The following PHF14 variants were observed in gnomAD, a reference collection of about 807,000 sequenced individuals.
PHF14 encodes PHD finger protein 14.
Under a neutral mutation model 117.9 loss-of-function variants are expected in PHF14, and 55 were observed. The ratio of observed to expected loss-of-function variants is 0.47; its 90% CI spans 0.38 to 0.58. The LOEUF (loss-of-function observed/expected upper bound fraction) is 0.58. Among genes scored for constraint, PHF14 ranks in the 20% least tolerant of loss-of-function variants. The probability of loss-of-function intolerance (pLI) is 0.00; values close to 1 mark genes in which losing one functional copy is unlikely to be tolerated. For synonymous variants in PHF14, 409 were observed against 368.6 expected, an observed-to-expected ratio of 1.11 and a Z score of -1.26; for missense variants, 978 against 1,122.2, an observed-to-expected ratio of 0.87 and a Z score of 1.84.
At chr7:11,129,077 T>C (rs1788017032) in intron 17 of PHF14, among the ~76,000 whole-genome samples, 1 of 152,084 alleles carries the variant, frequency 6.6e-6, no homozygotes, top group Non-Finnish European at 1.5e-5. Context: ...ACCTGGATGT[T>C]GCATATTTTT....
Position 11,044,136 on chromosome 7 carries a change from A to G in PHF14, c.2312+1322A>G, listed in dbSNP as rs59434425. On this transcript the variant is annotated intron_variant, in intron 13 of 17. Transcript: ENST00000634607. ...CTTACAGGTGGAAGCTAAACACTGGATAGTCATGGACATAAAGATGGGGCC... is the reference window on the plus strand; with the variant it reads ...CTTACAGGTGGAAGCTAAACACTGGGTAGTCATGGACATAAAGATGGGGCC... Among the ~76,000 whole-genome samples, 599 of 152,210 alleles carry G rather than the reference A, an allele frequency of 3.9e-3. 5 individuals are homozygous for G. The highest frequency in any genetic ancestry group is 0.014 in the African/African-American group (577 of 41,550).
At chr7:11,049,474 C>CAAAA (rs11342926) in intron 13 of PHF14, among the ~76,000 whole-genome samples, 1 of 110,380 alleles carries the variant, frequency 9.1e-6, no homozygotes, top group Non-Finnish European at 1.9e-5. Flanking sequence ...GACTGTCTCT[C>CAAAA]AAAAAAAAAA....
intron 17 of PHF14, among the ~76,000 whole-genome samples, chr7:11,156,323 CT>C (rs1236283734): frequency 2.0e-5 from 3 of 150,202 alleles, no homozygotes; most frequent in African/African-American, 7.6e-5. Context: ...AATTCAATTT[CT>C]TTTTAACCCA....
chr7:11,064,608 C>G (rs1785361385), intron 16 of PHF14, among the ~76,000 whole-genome samples: 1 of 151,974 alleles, frequency 6.6e-6, no homozygotes, highest in South Asian at 2.1e-4. Flanking sequence ...CCACACTTCT[C>G]TATGTAATTC....
At chr7:11,006,742 G>C (rs1326937505) in intron 4 of PHF14, 3 of 686,290 alleles carry the variant, frequency 4.4e-6, no homozygotes, top group Non-Finnish European at 8.1e-6. Context: ...TGGAAGGTGG[G>C]TGACATGCGG....
intron 14 of PHF14, among the ~76,000 whole-genome samples, chr7:11,052,977 T>C (rs2128327117): frequency 1.3e-5 from 2 of 152,276 alleles, no homozygotes; most frequent in South Asian, 4.1e-4. Flanking sequence ...AGTGTAAATT[T>C]CAAACCTTTA....
intron 16 of PHF14, chr7:11,103,606 C>G (rs1247285707): frequency 3.7e-5 from 36 of 982,536 alleles, no homozygotes; most frequent in South Asian, 2.4e-4. Flanking sequence ...TGTAAATTGT[C>G]AACATGTAAT....
chr7:10,984,229 C>A (rs963570860), intron 3 of PHF14, among the ~76,000 whole-genome samples: 2 of 152,086 alleles, frequency 1.3e-5, no homozygotes, highest in Non-Finnish European at 2.9e-5. Context: ...AATTGCTTTG[C>A]TTAAAAATTT....
intron 16 of PHF14, among the ~76,000 whole-genome samples, chr7:11,067,632 G>T (rs76352451): frequency 0.013 from 1,945 of 152,248 alleles, 43 homozygotes; most frequent in East Asian, 0.1. Flanking sequence ...ATTTTATGTT[G>T]CTAAGAAGAA....
chr7:11,136,058 G>A lies in PHF14; in HGVS notation c.2772+24591G>A, dbSNP rs192101829. On this transcript the variant is annotated intron_variant, in intron 17 of 17. Transcript: ENST00000634607. ...TTTGGTATACATAAGTAACATTGTT[G>A]AAAATAGTTTACACTTCTGTCATCT... Among the ~76,000 whole-genome samples the A allele has an allele frequency of 3.5e-3, 531 of 152,194 alleles. 9 individuals are homozygous for A. The highest frequency in any genetic ancestry group is 2.0e-3 in the Admixed American group (30 of 15,286).
At chr7:11,003,387 A>T (rs1250027973) in intron 4 of PHF14, among the ~76,000 whole-genome samples, 2 of 152,204 alleles carry the variant, frequency 1.3e-5, no homozygotes, top group Admixed American at 1.3e-4. Context: ...TTGTTCCACA[A>T]ATATAACCTA....
At chr7:10,990,601 A>G in intron 3 of PHF14, 102 bp from the exon 4 acceptor site, 1 of 655,684 alleles carries the variant, frequency 1.5e-6, no homozygotes, top group Non-Finnish European at 2.5e-6. Flanking sequence ...ATACATTTGG[A>G]AATGCATATA....
At chr7:11,151,439 G>A (rs904107777) in intron 17 of PHF14, among the ~76,000 whole-genome samples, 5 of 152,098 alleles carry the variant, frequency 3.3e-5, no homozygotes, top group Non-Finnish European at 7.4e-5. Flanking sequence ...CACACCTATA[G>A]TTCCAACTAC....
intron 16 of PHF14, chr7:11,103,158 A>G (rs1787146364): frequency 2.0e-6 from 2 of 978,680 alleles, no homozygotes; most frequent in Admixed American, 6.2e-5. Context: ...ATGACATTCT[A>G]TTTTTGACTT....
At chr7:11,075,576 T>G (rs1219029507) in intron 16 of PHF14, among the ~76,000 whole-genome samples, 3 of 148,144 alleles carry the variant, frequency 2.0e-5, no homozygotes, top group South Asian at 2.2e-4. Flanking sequence ...TTTTTTTTTT[T>G]TTTTTTTTTT....
intron 17 of PHF14, among the ~76,000 whole-genome samples, chr7:11,136,408 A>T (rs1178011250): frequency 6.6e-6 from 1 of 152,182 alleles, no homozygotes; most frequent in Non-Finnish European, 1.5e-5. Context: ...TTAATCATTT[A>T]ACCCACAAAT....
At chr7:11,107,134 T>G in intron 16 of PHF14, 2 of 984,354 alleles carry the variant, frequency 2.0e-6, no homozygotes, top group Non-Finnish European at 1.2e-6. Context: ...TTAAACCCTT[T>G]GGAATACTGA....
chr7:11,113,410 G>A (rs1188043951), intron 17 of PHF14, among the ~76,000 whole-genome samples: 5 of 152,098 alleles, frequency 3.3e-5, no homozygotes, highest in Non-Finnish European at 2.9e-5. Flanking sequence ...CGTTAGGAAG[G>A]CACATTGTTA....
chr7:11,141,743 T>G (rs1470777184), intron 17 of PHF14, among the ~76,000 whole-genome samples: 1 of 151,982 alleles, frequency 6.6e-6, no homozygotes, highest in African/African-American at 2.4e-5. Context: ...ATTATTGGTA[T>G]TTTTGGGTTT....
Sources: allele counts gnomAD v4.1 joint callset (sites outside exome capture counted in the v4.1 genomes callset), GRCh38; gene constraint gnomAD v4.1.1; transcripts MANE v1.5; gene names NCBI Gene and HGNC (gene_info 2026-07-23, HGNC 2026-07-21).